The following FHIT variants were observed in gnomAD, a reference collection of about 807,000 sequenced individuals.
The protein encoded by FHIT is fragile histidine triad diadenosine triphosphatase.
FHIT carries 19 observed loss-of-function variants against 17.9 expected under a neutral mutation model. That is an observed-to-expected ratio of 1.06 (90% CI 0.74 to 1.56). The LOEUF is 1.56. Among genes scored for constraint, FHIT ranks in the 40% most tolerant of loss-of-function variants. FHIT has a pLI of 0.00. For missense variants in FHIT, 248 were observed against 189.2 expected, an observed-to-expected ratio of 1.31 and a Z score of -1.82; for synonymous variants, 81 against 69.7, an observed-to-expected ratio of 1.16 and a Z score of -0.81.
At chr3:60,104,446 C>A in intron 5 of FHIT, among the ~76,000 whole-genome samples, 1 of 150,650 alleles carries the variant, frequency 6.6e-6, no homozygotes, top group Non-Finnish European at 1.5e-5. Flanking sequence ...GACTTGAACA[C>A]ACAATGTAAA....
chr3:59,836,668 G>T (rs931397176), intron 8 of FHIT, among the ~76,000 whole-genome samples: 5 of 152,146 alleles, frequency 3.3e-5, no homozygotes, highest in African/African-American at 9.7e-5. Context: ...GCTTTAGTGT[G>T]GCAGCTGAAG....
intron 5 of FHIT, among the ~76,000 whole-genome samples, chr3:60,071,458 G>A (rs2630201): frequency 0.32 from 48,171 of 151,942 alleles, 8,504 homozygotes; most frequent in African/African-American, 0.47. Context: ...CTTGATTTCT[G>A]TACTATAACA....
At chr3:61,215,975 A>G (rs1040125325) in intron 1 of FHIT, among the ~76,000 whole-genome samples, 11 of 126,836 alleles carry the variant, frequency 8.7e-5, no homozygotes, top group Non-Finnish European at 1.4e-4. Flanking sequence ...CCTTCCTTAC[A>G]TCTTATACAA....
intron 7 of FHIT, among the ~76,000 whole-genome samples, chr3:60,005,887 T>G (rs1699904589): frequency 6.6e-6 from 1 of 152,154 alleles, no homozygotes; most frequent in African/African-American, 2.4e-5. Flanking sequence ...CATCAAATCT[T>G]TCCTAGAAAT....
intron 5 of FHIT, among the ~76,000 whole-genome samples, chr3:60,274,040 G>C (rs2383): frequency 0.48 from 72,837 of 151,926 alleles, 17,761 homozygotes; most frequent in South Asian, 0.62. Context: ...AAGCCTTTGA[G>C]TTCTAGTTCT....
chr3:60,495,466 G>A (rs1052618244), intron 5 of FHIT, among the ~76,000 whole-genome samples: 3 of 151,712 alleles, frequency 2.0e-5, no homozygotes, highest in Non-Finnish European at 4.4e-5. Context: ...ACAAATATGA[G>A]TTTTTACTCC....
At chr3:60,966,470 G>C (rs746527934) in intron 3 of FHIT, among the ~76,000 whole-genome samples, 1 of 152,162 alleles carries the variant, frequency 6.6e-6, no homozygotes, top group Admixed American at 6.5e-5. Context: ...GAGATGAACC[G>C]GGTACCTCAA....
intron 5 of FHIT, among the ~76,000 whole-genome samples, chr3:60,044,483 C>T (rs1190320786): frequency 2.6e-5 from 4 of 152,072 alleles, no homozygotes; most frequent in African/African-American, 9.7e-5. Context: ...TCCCTCATTC[C>T]CTTTTCTACT....
chr3:61,250,224 T>C (rs1013270284), intron 1 of FHIT, among the ~76,000 whole-genome samples: 3 of 152,142 alleles, frequency 2.0e-5, no homozygotes, highest in Non-Finnish European at 4.4e-5. Flanking sequence ...GGACTGCAAC[T>C]CCCAGAAGCC....
intron 3 of FHIT, among the ~76,000 whole-genome samples, chr3:61,031,339 A>T (rs1433003255): frequency 6.6e-6 from 1 of 152,234 alleles, no homozygotes; most frequent in African/African-American, 2.4e-5. Flanking sequence ...GTTACCACCC[A>T]GAACCAGTAG....
intron 4 of FHIT, among the ~76,000 whole-genome samples, chr3:60,652,983 C>T (rs987420301): frequency 5.9e-5 from 9 of 151,350 alleles, no homozygotes; most frequent in Non-Finnish European, 1.0e-4. Flanking sequence ...TTGCGATTCC[C>T]CAGTTCCCAT....
intron 8 of FHIT, among the ~76,000 whole-genome samples, chr3:59,849,458 C>G (rs1701849193): frequency 6.6e-6 from 1 of 152,132 alleles, no homozygotes; most frequent in Non-Finnish European, 1.5e-5. Flanking sequence ...GTGTCCAAAC[C>G]ACAATCTCAT....
At chr3:60,977,332 C>T (rs775840297) in intron 3 of FHIT, among the ~76,000 whole-genome samples, 11 of 152,062 alleles carry the variant, frequency 7.2e-5, no homozygotes, top group Non-Finnish European at 7.4e-5. Flanking sequence ...CACTCTGAAC[C>T]CTGGTGTTCA....
In FHIT at chr3:59,866,541, T is replaced by C. The variant is rs190688335; in HGVS notation, c.348+55805A>G. Among the ~76,000 whole-genome samples, 138 of 152,144 alleles carry C rather than the reference T, an allele frequency of 9.1e-4. 1 individual carries two copies. Among genetic ancestry groups the C allele is most frequent in the Non-Finnish European group, 1.8e-3 (120 of 67,998 alleles). ...AGAGTAGATTCCAGGCACAAGAACA[T>C]AGGCTGGAGGATCAACAAGAAGACT... On this transcript the variant is annotated intron_variant, in intron 8 of 9. Transcript: ENST00000492590.
intron 5 of FHIT, among the ~76,000 whole-genome samples, chr3:60,163,209 G>C (rs1049919100): frequency 1.3e-5 from 2 of 152,090 alleles, no homozygotes; most frequent in Non-Finnish European, 2.9e-5. Context: ...AACTCACCCA[G>C]GTCCTAAGAA....
chr3:61,165,112 T>C (rs2037799878), intron 2 of FHIT, among the ~76,000 whole-genome samples: 1 of 152,244 alleles, frequency 6.6e-6, no homozygotes, highest in African/African-American at 2.4e-5. Context: ...TACATGCATG[T>C]GTCTTTTTGA....
At chr3:60,497,237 T>C (rs192867750) in intron 5 of FHIT, among the ~76,000 whole-genome samples, 10 of 152,212 alleles carry the variant, frequency 6.6e-5, no homozygotes, top group Admixed American at 6.5e-4. Context: ...GTTACAAGGT[T>C]GAGAAAGGCA....
intron 5 of FHIT, among the ~76,000 whole-genome samples, chr3:60,235,923 T>C (rs60739535): frequency 2.2e-4 from 34 of 152,240 alleles, no homozygotes; most frequent in African/African-American, 7.5e-4. Context: ...CCAGGGTTCA[T>C]AGGGTATTGT....
At chr3:60,382,145 T>G (rs1313885959) in intron 5 of FHIT, among the ~76,000 whole-genome samples, 1 of 152,180 alleles carries the variant, frequency 6.6e-6, no homozygotes, top group Non-Finnish European at 1.5e-5. Flanking sequence ...GCCAATGGAT[T>G]GTGCCTCACA....
Sources: gnomAD v4.1 joint callset for allele counts (sites outside exome capture counted in the v4.1 genomes callset) on GRCh38, gnomAD v4.1.1 for gene constraint, MANE v1.5 for transcripts, NCBI Gene and HGNC (gene_info 2026-07-23, HGNC 2026-07-21) for gene names.